COL26A1: variants seen among roughly 807,000 people sequenced by gnomAD.
The protein encoded by COL26A1 is collagen alpha-1(XXVI) chain.
In COL26A1, 41 loss-of-function variants were observed where a neutral mutation model predicts 59.3. That is an observed-to-expected ratio of 0.69 (90% CI 0.54 to 0.90). The LOEUF (loss-of-function observed/expected upper bound fraction) is 0.90, where lower values mean the gene tolerates loss of function less well. Among genes scored for constraint, COL26A1 ranks in the 40% least tolerant of loss-of-function variants. The pLI, the probability that COL26A1 is intolerant of heterozygous loss-of-function variation, is 0.00. For synonymous variants in COL26A1, 266 were observed against 256.0 expected, an observed-to-expected ratio of 1.04 and a Z score of -0.37; for missense variants, 612 against 602.3, an observed-to-expected ratio of 1.02 and a Z score of -0.17.
At chr7:101,495,440 G>T (rs1341207154) in intron 3 of COL26A1, among the ~76,000 whole-genome samples, 2 of 150,684 alleles carry the variant, frequency 1.3e-5, no homozygotes, top group Admixed American at 1.3e-4. Context: ...ATGGAGTCTC[G>T]CTCTGTCGCC....
In COL26A1 at chr7:101,545,394, C is replaced by G; in HGVS notation, c.760C>G (p.Pro254Ala). Reference sequence around the variant, plus strand: ...TCCTGGAGAGATGGGGCGCCCCGGCCCCCCAGGACCACCCGGCCCAGCAGG... The same window carrying G: ...TCCTGGAGAGATGGGGCGCCCCGGCGCCCCAGGACCACCCGGCCCAGCAGG... Reference protein sequence around the residue: ...GLPGEMGRPGPPGPPGPAGNP... With the variant: ...GLPGEMGRPGAPGPPGPAGNP... The change falls in exon 7 of 13, where the codon CCC becomes GCC. Residue 254 changes from proline (P) to alanine (A), a missense_variant. Pro to Ala is a conservative substitution (Grantham distance 27, BLOSUM62 -1). Coordinates refer to ENST00000313669, the MANE Select transcript of COL26A1 (RefSeq NM_001278563.3). 1 of 1,590,608 alleles carries G rather than the reference C, an allele frequency of 6.3e-7. No homozygotes were observed. The highest frequency in any genetic ancestry group is 8.5e-7 in the Non-Finnish European group (1 of 1,171,958).
chr7:101,428,602 T>C (rs1335059896), intron 2 of COL26A1, among the ~76,000 whole-genome samples: 2 of 152,112 alleles, frequency 1.3e-5, no homozygotes, highest in Non-Finnish European at 2.9e-5. Context: ...AAATATATTT[T>C]TGTGCATGTG....
At chr7:101,550,636 C>T (rs1323730249) in intron 9 of COL26A1, among the ~76,000 whole-genome samples, 2 of 151,608 alleles carry the variant, frequency 1.3e-5, no homozygotes, top group Admixed American at 6.6e-5. Context: ...GGGGAGGCTT[C>T]GGGATGGGGG....
intron 1 of COL26A1, among the ~76,000 whole-genome samples, chr7:101,381,833 C>T (rs974756616): frequency 1.3e-5 from 2 of 151,894 alleles, no homozygotes; most frequent in Non-Finnish European, 1.5e-5. Flanking sequence ...AGAGGACGTC[C>T]CTGGGGGAGA....
chr7:101,558,704 T>C lies in COL26A1; in HGVS notation c.*1174T>C, dbSNP rs1046516. ...CCTCAAGGCCTCTGGGGCCAGGGTC[T>C]CCGTGATCAGCTCAGCCCTGGTGTT... On this transcript the variant is annotated 3_prime_UTR_variant, in exon 13 of 13. Transcript: ENST00000313669. 18,840 of 152,268 alleles carry C rather than the reference T, an allele frequency of 0.12. 1,456 individuals are homozygous for C. The highest frequency in any genetic ancestry group is 0.19 in the Middle Eastern group (56 of 294). The allele number at this position is 152,268 out of a possible 1,614,324, so 9.4% of individuals were successfully genotyped here.
intron 2 of COL26A1, among the ~76,000 whole-genome samples, chr7:101,429,589 C>CTTTTTTTTTTTTTTTTTTTTATTTTTTTT (rs1792730053): frequency 2.5e-5 from 2 of 78,700 alleles, no homozygotes; most frequent in Non-Finnish European, 4.7e-5. Flanking sequence ...TTCTTTTTTA[C>CTTTTTTTTTTTTTTTTTTTTATTTTTTTT]TTTTTTTTTT....
At chr7:101,499,044 G>A (rs777195691) in intron 3 of COL26A1, among the ~76,000 whole-genome samples, 2 of 152,160 alleles carry the variant, frequency 1.3e-5, no homozygotes, top group Admixed American at 6.5e-5. Context: ...GGAGCCATTC[G>A]GCCTCAATGC....
intron 2 of COL26A1, among the ~76,000 whole-genome samples, chr7:101,439,148 G>A (rs1792986137): frequency 6.6e-6 from 1 of 152,114 alleles, no homozygotes; most frequent in Non-Finnish European, 1.5e-5. Context: ...ACCCACACCA[G>A]GCTGAATGTA....
At chr7:101,475,540 GC>G (rs1794010898) in intron 3 of COL26A1, among the ~76,000 whole-genome samples, 1 of 152,012 alleles carries the variant, frequency 6.6e-6, no homozygotes, top group Admixed American at 6.6e-5. Flanking sequence ...GTTTTCAGAG[GC>G]CTTATTCACA....
intron 4 of COL26A1, among the ~76,000 whole-genome samples, chr7:101,537,589 G>T (rs1795507097): frequency 6.6e-6 from 1 of 152,196 alleles, no homozygotes; most frequent in Admixed American, 6.5e-5. Flanking sequence ...TCCAACCAGG[G>T]CTCCTCTGCC....
intron 1 of COL26A1, among the ~76,000 whole-genome samples, chr7:101,402,817 C>A (rs1226192299): frequency 1.4e-5 from 2 of 147,650 alleles, no homozygotes; most frequent in African/African-American, 2.5e-5. Flanking sequence ...CTCTCCTCCC[C>A]TCCCCTTTCC....
chr7:101,526,787 T>C (rs1584487136), intron 3 of COL26A1, among the ~76,000 whole-genome samples: 1 of 151,696 alleles, frequency 6.6e-6, no homozygotes, highest in South Asian at 2.1e-4. Context: ...GTGGCAAGAG[T>C]GAAGAGTCCT....
intron 3 of COL26A1, among the ~76,000 whole-genome samples, chr7:101,452,988 T>C (rs1474174893): frequency 6.6e-6 from 1 of 152,108 alleles, no homozygotes; most frequent in Non-Finnish European, 1.5e-5. Context: ...TGACCTCAAG[T>C]GATCTGCCCG....
chr7:101,474,490 G>T (rs1307133342), intron 3 of COL26A1, among the ~76,000 whole-genome samples: 2 of 152,086 alleles, frequency 1.3e-5, no homozygotes, highest in African/African-American at 4.8e-5. Flanking sequence ...TACTCAGGGG[G>T]CTGAGGTGGG....
intron 3 of COL26A1, among the ~76,000 whole-genome samples, chr7:101,516,179 A>G (rs1459561367): frequency 4.6e-5 from 7 of 152,208 alleles, no homozygotes; most frequent in African/African-American, 1.7e-4. Flanking sequence ...ATCTGTACGA[A>G]GAAAGGGCTG....
chr7:101,557,600 T>G lies in COL26A1; in HGVS notation c.*70T>G. 6.8e-7 allele frequency: 1 copy of G among 1,462,336 alleles called. No homozygotes were observed. Among genetic ancestry groups the G allele is most frequent in the Non-Finnish European group, 9.2e-7 (1 of 1,085,812 alleles). The allele number at this position is 1,462,336 out of a possible 1,614,324, so 90.6% of individuals were successfully genotyped here. On this transcript the variant is annotated 3_prime_UTR_variant, in exon 13 of 13. Transcript: ENST00000313669. ...CCCAGAGGCCTGAGCCGCCGCTGTT[T>G]CCTAAAGATGCCCCCAGGGGAACTG...
intron 3 of COL26A1, among the ~76,000 whole-genome samples, chr7:101,457,735 C>G (rs1400196756): frequency 1.3e-5 from 2 of 152,118 alleles, no homozygotes; most frequent in Admixed American, 1.3e-4. Flanking sequence ...ATAAATGGAA[C>G]CATACAGCAT....
At chr7:101,552,944 A>C (rs1795891041) in intron 10 of COL26A1, among the ~76,000 whole-genome samples, 1 of 152,140 alleles carries the variant, frequency 6.6e-6, no homozygotes, top group Non-Finnish European at 1.5e-5. Flanking sequence ...AAAATATGTG[A>C]CTTTGAATCT....
chr7:101,497,547 A>T (rs939402399), intron 3 of COL26A1, among the ~76,000 whole-genome samples: 1 of 150,638 alleles, frequency 6.6e-6, no homozygotes, highest in Non-Finnish European at 1.5e-5. Context: ...GTGGTGGTGC[A>T]TGCCTGTAGT....
Sources: gnomAD v4.1 joint callset for allele counts (sites outside exome capture counted in the v4.1 genomes callset) on GRCh38, gnomAD v4.1.1 for gene constraint, MANE v1.5 for transcripts, NCBI Gene and HGNC (gene_info 2026-07-23, HGNC 2026-07-21) for gene names.